Variants in TRIM4 observed in about 807,000 individuals in gnomAD.
The protein encoded by TRIM4 is tripartite motif containing 4.
Under a neutral mutation model 33.7 loss-of-function variants are expected in TRIM4, and 29 were observed. The observed-to-expected ratio is 0.86, with a 90% CI of 0.64 to 1.17. The LOEUF is 1.17. Among genes scored for constraint, TRIM4 ranks in the 50% most tolerant of loss-of-function variants. The pLI is 0.00. For synonymous variants in TRIM4, 224 were observed against 233.0 expected (o/e 0.96, Z 0.35); for missense variants, 554 against 593.7 (o/e 0.93, Z 0.69).
Position 99,919,261 on chromosome 7 carries a change from G to C in TRIM4, c.141C>G (p.Phe47Leu), listed in dbSNP as rs768997182. 6.5e-7 allele frequency: 1 copy of C among 1,544,608 alleles called. No homozygotes were observed. Among genetic ancestry groups the C allele is most frequent in the South Asian group, 1.2e-5 (1 of 83,844 alleles). ...HRNWAPGGGPFPCPECRHPSA... is the reference protein window; with the variant it reads ...HRNWAPGGGPLPCPECRHPSA... ...ATGGGTGCCGACATTCGGGGCAGGGGAACGGGCCGCCGCCCGGCGCCCAGT... is the reference window on the plus strand; with the variant it reads ...ATGGGTGCCGACATTCGGGGCAGGGCAACGGGCCGCCGCCCGGCGCCCAGT... Residue 47 changes from phenylalanine (F) to leucine (L), a missense_variant, in exon 1 of 6, where the codon TTC becomes TTG. Phe to Leu is a conservative substitution (Grantham distance 22). Coordinates refer to ENST00000349062, the MANE Select transcript of TRIM4 (RefSeq NM_033091.3).
chr7:99,900,143 C>T (rs901226421), intron 5 of TRIM4, among the ~76,000 whole-genome samples: 2 of 152,116 alleles, frequency 1.3e-5, no homozygotes, highest in East Asian at 1.9e-4. Context: ...CTGACAAGTC[C>T]GAATCTGCTG....
At position 99,909,679 on chromosome 7, in the gene TRIM4, A is replaced by T; in HGVS notation, c.394-19T>A. 4.4e-6 allele frequency: 7 copies of T among 1,589,626 alleles called. No individual in the cohort carries two copies. Among genetic ancestry groups the T allele is most frequent in the Non-Finnish European group, 6.0e-6 (7 of 1,161,422 alleles). On this transcript the variant is annotated intron_variant, in intron 1 of 5. Coordinates refer to ENST00000349062, the MANE Select transcript of TRIM4 (RefSeq NM_033091.3). ...GTTTCTCCTGCCAGCAGAAACACACACAGGTAAGAAAACACATCTCCAACC... is the reference window on the plus strand; with the variant it reads ...GTTTCTCCTGCCAGCAGAAACACACTCAGGTAAGAAAACACATCTCCAACC...
chr7:99,917,077 A>G (rs150185282), intron 1 of TRIM4, among the ~76,000 whole-genome samples: 4 of 152,314 alleles, frequency 2.6e-5, no homozygotes, highest in Non-Finnish European at 5.9e-5. Context: ...TCACCCTTGA[A>G]GAGCTAACAC....
Position 99,919,229 on chromosome 7 carries a change from G to C in TRIM4, c.173C>G (p.Pro58Arg), listed in dbSNP as rs770931167. 17 of 1,523,096 alleles carry C rather than the reference G, an allele frequency of 1.1e-5. No homozygotes were observed. Among genetic ancestry groups the C allele is most frequent in the South Asian group, 1.2e-5 (1 of 81,332 alleles). 94.3% of individuals were successfully genotyped at this position (1,523,096 alleles called of 1,614,324 possible). A position where few individuals can be genotyped will look rare whatever the true frequency, so the allele number is the denominator to read the frequency against. Residue 58 changes from proline to arginine, a missense_variant, in exon 1 of 6, where the codon CCC becomes CGC. Coordinates refer to ENST00000349062, the MANE Select transcript of TRIM4 (RefSeq NM_033091.3). ...PCPECRHPSA[P>R]AALRPNWALA... Reference sequence around the variant, plus strand: ...GGCCCAGTTGGGTCGCAGCGCGGCGGGCGCCGATGGGTGCCGACATTCGGG... The same window carrying C: ...GGCCCAGTTGGGTCGCAGCGCGGCGCGCGCCGATGGGTGCCGACATTCGGG...
intron 3 of TRIM4, among the ~76,000 whole-genome samples, chr7:99,906,434 C>T (rs1193375379): frequency 1.3e-5 from 2 of 151,970 alleles, no homozygotes; most frequent in African/African-American, 2.4e-5. Flanking sequence ...TCAAGAGATC[C>T]TCCCATCTCA....
At position 99,909,729 on chromosome 7, in the gene TRIM4, G is replaced by GGTTTTTT. The variant is rs1563087619; in HGVS notation, c.394-70_394-69insAAAAAAC. 3 of 725,162 alleles carry GGTTTTTT rather than the reference G, an allele frequency of 4.1e-6. 1 individual carries two copies. Among genetic ancestry groups the GGTTTTTT allele is most frequent in the Non-Finnish European group, 2.0e-6 (1 of 489,108 alleles). The allele number at this position is 725,162 out of a possible 1,614,324, so 44.9% of individuals were successfully genotyped here. A position where few individuals can be genotyped will look rare whatever the true frequency, so the allele number is the denominator to read the frequency against. On this transcript the variant is annotated intron_variant, in intron 1 of 5. Transcript: ENST00000349062. The stretch of plus-strand genomic sequence containing the variant: ...CATCATCATCTTCTTTTTTCTTTTT[G>GGTTTTTT]TTTTTTTTTTTTTTTTTTTTTGAGA...
At chr7:99,906,739 G>C (rs550131614) in intron 3 of TRIM4, among the ~76,000 whole-genome samples, 66 of 152,206 alleles carry the variant, frequency 4.3e-4, no homozygotes, top group Non-Finnish European at 5.7e-4. Context: ...CGAACACTTT[G>C]GGAGATCAAG....
intron 5 of TRIM4, among the ~76,000 whole-genome samples, chr7:99,896,013 TTAA>T: frequency 6.6e-6 from 1 of 152,180 alleles, no homozygotes; most frequent in Non-Finnish European, 1.5e-5. Flanking sequence ...CCATTTATAG[TTAA>T]TGTGATTATT....
rs577078878 is a variant in TRIM4, at chr7:99,919,178, T to A, written c.224A>T (p.Gln75Leu). Residue 75 changes from glutamine to leucine, a missense_variant, in exon 1 of 6, where the codon CAG becomes CTG. Coordinates refer to ENST00000349062, the MANE Select transcript of TRIM4 (RefSeq NM_033091.3). ...WALARLTEKT[Q>L]RRRLGPVPPG... is the part of the protein sequence containing the mutation. ...GGGCACGGGGCCCAGGCGCCGGCGCTGCGTCTTCTCAGTCAGCCTGGCCAG... is the reference window on the plus strand; with the variant it reads ...GGGCACGGGGCCCAGGCGCCGGCGCAGCGTCTTCTCAGTCAGCCTGGCCAG... 3.4e-6 allele frequency: 5 copies of A among 1,474,470 alleles called. No homozygotes were observed. The African/African-American group carries it at 4.4e-5, about 13-fold the overall frequency. 91.3% of individuals were successfully genotyped at this position (1,474,470 alleles called of 1,614,324 possible). A position where few individuals can be genotyped will look rare whatever the true frequency, so the allele number is the denominator to read the frequency against.
At position 99,909,040 on chromosome 7, in the gene TRIM4, T is replaced by G. The variant is rs1020255495; in HGVS notation, c.490-228A>C. Among the ~76,000 whole-genome samples the G allele has an allele frequency of 2.6e-5, 4 of 152,212 alleles. No homozygotes were observed. In the East Asian group the frequency reaches 5.8e-4, roughly 22 times the overall value. On this transcript the variant is annotated intron_variant, in intron 2 of 5. Coordinates refer to ENST00000349062, the MANE Select transcript of TRIM4 (RefSeq NM_033091.3). ...TTCCTAACATTTCAGTCTCTACTAC[T>G]GACAAGTTTTAAACTAAAACAAACT...
chr7:99,911,749 A>C (rs1819447235), intron 1 of TRIM4, among the ~76,000 whole-genome samples: 1 of 152,214 alleles, frequency 6.6e-6, no homozygotes, highest in South Asian at 2.1e-4. Flanking sequence ...TGTAAAACTA[A>C]ACATACATTA....
intron 2 of TRIM4, 127 bp downstream of exon 2, chr7:99,909,438 G>T: frequency 1.4e-6 from 1 of 690,412 alleles, no homozygotes; most frequent in Non-Finnish European, 2.4e-6. Flanking sequence ...GGAAACAGAG[G>T]TTCTGAGGCA....
chr7:99,896,563 C>T lies in TRIM4; in HGVS notation c.842-3817G>A, dbSNP rs377523897. ...TCAATAAATCCTATGTCTCATTCAC[C>T]GGCTCCAGGTTTCTTCCACCTCTCA... On this transcript the variant is annotated intron_variant, in intron 5 of 5. Coordinates refer to ENST00000349062, the MANE Select transcript of TRIM4 (RefSeq NM_033091.3). Among the ~76,000 whole-genome samples, 34 of 152,334 alleles carry T rather than the reference C, an allele frequency of 2.2e-4. No individual in the cohort carries two copies. The East Asian group carries it at 3.1e-3, about 14-fold the overall frequency.
chr7:99,892,299 T>G lies in TRIM4; in HGVS notation c.1289A>C (p.Asn430Thr), dbSNP rs1563081970. 6.2e-7 allele frequency: 1 copy of G among 1,613,930 alleles called. No individual in the cohort carries two copies. Among genetic ancestry groups the G allele is most frequent in the African/African-American group, 1.3e-5 (1 of 74,874 alleles). ...VGVYLDRGTG[N>T]VSFYSAVDGV... is the part of the protein sequence containing the mutation. ...GTCCACAGCGCTGTAGAAGGAGACA[T>G]TCCCAGTCCCACGATCCAGGTAAAC... The change falls in exon 6 of 6, where the codon AAT becomes ACT. Residue 430 changes from asparagine (N) to threonine (T), a missense_variant. By Grantham distance (65) the Asn-to-Thr change is moderately conservative (BLOSUM62 0). Coordinates refer to ENST00000349062, the MANE Select transcript of TRIM4 (RefSeq NM_033091.3).
Position 99,909,629 on chromosome 7 carries a change from A to G in TRIM4, c.425T>C (p.Val142Ala). The change falls in exon 2 of 6, where the codon GTG becomes GCG. Residue 142 changes from valine (V) to alanine (A), a missense_variant. Around this residue, in one of 3 missense-constraint regions of TRIM4, gnomAD observed 233 missense variants for 203.1 expected, o/e 1.15. Transcript: ENST00000349062. Reference sequence around the variant, plus strand: ...ATGCATGACTTTCTTCATCTTGGCCACGAGATTACGCTGAGACTTAAGAAG... The same window carrying G: ...ATGCATGACTTTCTTCATCTTGGCCGCGAGATTACGCTGAGACTTAAGAAG... ...EKLLKSQRNL[V>A]AKMKKVMHLQ... 2 of 1,613,840 alleles carry G rather than the reference A, an allele frequency of 1.2e-6. No homozygotes were observed. Among genetic ancestry groups the G allele is most frequent in the South Asian group, 1.1e-5 (1 of 91,064 alleles).
intron 5 of TRIM4, among the ~76,000 whole-genome samples, chr7:99,894,414 C>T (rs143421330): frequency 0.05 from 7,607 of 152,046 alleles, 266 homozygotes; most frequent in Middle Eastern, 0.071. Flanking sequence ...GCCTGTAATC[C>T]CAATGCTTTG....
chr7:99,896,730 A>G (rs1819024440), intron 5 of TRIM4, among the ~76,000 whole-genome samples: 1 of 152,246 alleles, frequency 6.6e-6, no homozygotes. Context: ...GGTTGTCCAC[A>G]TGTATGTGGG....
At position 99,919,291 on chromosome 7, in the gene TRIM4, G is replaced by A. The variant is rs1313425067; in HGVS notation, c.111C>T (p.His37=). ...GGCCGCCGCCCGGCGCCCAGTTGCGGTGCAGGCAGCCGCGGCAGAAGTTGT... is the reference window on the plus strand; with the variant it reads ...GGCCGCCGCCCGGCGCCCAGTTGCGATGCAGGCAGCCGCGGCAGAAGTTGT... ...CGHNFCRGCL[H]RNWAPGGGPF... is the part of the protein sequence containing the mutation. Residue 37 remains histidine, a synonymous_variant, in exon 1 of 6, where the codon CAC becomes CAT. Coordinates refer to ENST00000349062, the MANE Select transcript of TRIM4 (RefSeq NM_033091.3). 3.9e-6 allele frequency: 6 copies of A among 1,553,106 alleles called. No individual in the cohort carries two copies. The highest frequency in any genetic ancestry group is 2.8e-5 in the African/African-American group (2 of 72,272).
intron 5 of TRIM4, among the ~76,000 whole-genome samples, chr7:99,893,440 T>C (rs755415544): frequency 6.6e-6 from 1 of 152,130 alleles, no homozygotes; most frequent in Non-Finnish European, 1.5e-5. Context: ...AGGTGTCACA[T>C]AGGACAGAAT....
Sources: gnomAD v4.1 joint callset for allele counts (sites outside exome capture counted in the v4.1 genomes callset) on GRCh38, gnomAD v4.1.1 for gene constraint, gnomAD v4.1.1 regional missense constraint, MANE v1.5 for transcripts, NCBI Gene and HGNC (gene_info 2026-07-23, HGNC 2026-07-21) for gene names.